Variants in TRIM14 observed in about 807,000 individuals in gnomAD.
TRIM14 encodes the protein tripartite motif-containing protein 14.
In TRIM14, 28 loss-of-function variants were observed where a neutral mutation model predicts 44.5. The ratio of observed to expected loss-of-function variants is 0.63; its 90% CI spans 0.47 to 0.86. The LOEUF is 0.86. Ranked by LOEUF, TRIM14 falls within the 40% of genes least tolerant of loss-of-function variation. The pLI, the probability that TRIM14 is intolerant of heterozygous loss-of-function variation, is 0.00. For synonymous variants in TRIM14, 299 were observed against 269.2 expected (o/e 1.11, Z -1.08); for missense variants, 607 against 611.1 (o/e 0.99, Z 0.07).
chr9:98,118,773 G>C (rs778970905), intron 1 of TRIM14, among the ~76,000 whole-genome samples: 1 of 152,226 alleles, frequency 6.6e-6, no homozygotes, highest in Non-Finnish European at 1.5e-5. Flanking sequence ...AAGCTCAACT[G>C]ATGGCTTTGG....
chr9:98,036,682 T>C, the TRIM14 span, among the ~76,000 whole-genome samples: 9 of 152,252 alleles, frequency 5.9e-5, no homozygotes, highest in African/African-American at 2.2e-4. Flanking sequence ...CTCATGCCTG[T>C]AATCCCAGCT....
downstream of TRIM14, chr9:98,080,987 C>G (rs752902446): frequency 5.6e-6 from 9 of 1,614,086 alleles, no homozygotes; most frequent in African/African-American, 1.3e-5. Context: ...GCCTGGAGAA[C>G]TGGCCGAGCT....
the TRIM14 span, chr9:98,056,635 T>G: frequency 1.9e-4 from 177 of 937,382 alleles, no homozygotes; most frequent in Non-Finnish European, 2.3e-4. Context: ...CCCGCCCCGA[T>G]TGGCTGTCGG....
intron 6 of TRIM14, among the ~76,000 whole-genome samples, chr9:98,078,564 G>A (rs1398132390): frequency 1.3e-5 from 2 of 152,014 alleles, no homozygotes; most frequent in East Asian, 1.9e-4. Flanking sequence ...GGCCAGGCGC[G>A]GTGGGTCATG....
At chr9:98,091,704 T>G (rs1825998863) in intron 5 of TRIM14, among the ~76,000 whole-genome samples, 1 of 152,190 alleles carries the variant, frequency 6.6e-6, no homozygotes, top group African/African-American at 2.4e-5. Context: ...CTTTTTTCTT[T>G]CATTTTCTAA....
the TRIM14 span, among the ~76,000 whole-genome samples, chr9:98,046,477 T>C: frequency 2.0e-5 from 3 of 152,214 alleles, no homozygotes; most frequent in African/African-American, 7.2e-5. Flanking sequence ...GTTTCGTTCT[T>C]GTTGCCCAGG....
At chr9:98,039,146 C>T in the TRIM14 span, among the ~76,000 whole-genome samples, 1 of 152,044 alleles carries the variant, frequency 6.6e-6, no homozygotes, top group Non-Finnish European at 1.5e-5. Flanking sequence ...CTTCAACCTT[C>T]CTCCCTCTTA....
the TRIM14 span, among the ~76,000 whole-genome samples, chr9:98,058,284 A>G: frequency 6.6e-6 from 1 of 152,206 alleles, no homozygotes; most frequent in African/African-American, 2.4e-5. Context: ...CTTTACAAAA[A>G]TAACATTGCT....
chr9:98,088,369 T>C (rs1825875863), intron 5 of TRIM14, among the ~76,000 whole-genome samples: 2 of 152,088 alleles, frequency 1.3e-5, no homozygotes, highest in South Asian at 4.1e-4. Context: ...TTTTTTCTTT[T>C]TTTGAAACGG....
In TRIM14 at chr9:98,119,029, G is replaced by C. The variant is rs1434497994; in HGVS notation, c.160C>G (p.Arg54Gly). ...CALCPVLGAH[R>G]GHPVGLALEA... is the part of the protein sequence containing the mutation. ...AGCGCCAGGCCCACAGGGTGGCCAC[G>C]GTGCGCGCCCAGCACCGGGCAAAGC... The change falls in exon 1 of 6, where the codon CGT becomes GGT. Residue 54 changes from arginine (R) to glycine (G), a missense_variant. Arg to Gly is a moderately radical substitution (Grantham distance 125). Around this residue, in one of 3 missense-constraint regions of TRIM14, gnomAD observed 246 missense variants for 270.8 expected, o/e 0.91. Transcript: ENST00000341469. 2 of 1,571,828 alleles carry C rather than the reference G, an allele frequency of 1.3e-6. No homozygotes were observed. The highest frequency in any genetic ancestry group is 1.1e-5 in the South Asian group (1 of 88,408).
At chr9:98,084,047 G>C (rs1162193590), downstream of TRIM14, among the ~76,000 whole-genome samples, 1 of 152,218 alleles carries the variant, frequency 6.6e-6, no homozygotes, top group African/African-American at 2.4e-5. Context: ...GGCCCTTCTG[G>C]GTCTGGGTGC....
intron 6 of TRIM14, chr9:98,074,859 A>C (rs1039038918): frequency 3.3e-5 from 5 of 152,210 alleles, no homozygotes; most frequent in South Asian, 2.1e-4. Flanking sequence ...TTCTTTAAAC[A>C]GAAAGCACTC....
At chr9:98,078,286 T>G in intron 6 of TRIM14, 1 of 1,613,938 alleles carries the variant, frequency 6.2e-7, no homozygotes, top group Non-Finnish European at 8.5e-7. Context: ...AACTTCTGCT[T>G]CTTGCAGTGT....
At chr9:98,067,259 C>T (rs190162781), downstream of TRIM14, among the ~76,000 whole-genome samples, 8 of 152,242 alleles carry the variant, frequency 5.3e-5, no homozygotes, top group Admixed American at 2.6e-4. Context: ...CATTTCTCTT[C>T]GGTATTACAT....
chr9:98,109,220 G>C (rs1035571287), intron 2 of TRIM14, among the ~76,000 whole-genome samples: 1 of 151,892 alleles, frequency 6.6e-6, no homozygotes, highest in South Asian at 2.1e-4. Context: ...CCCTCACTGC[G>C]AGGAGGGAGC....
At chr9:98,081,046 G>A, downstream of TRIM14, 1 of 1,614,166 alleles carries the variant, frequency 6.2e-7, no homozygotes, top group East Asian at 2.2e-5. Flanking sequence ...CCCCAACCAA[G>A]CAGCTGCTGC....
At chr9:98,099,910 G>T (rs1826326257) in intron 3 of TRIM14, 21 bp downstream of exon 3, 7 of 1,602,338 alleles carry the variant, frequency 4.4e-6, no homozygotes, top group Non-Finnish European at 5.1e-6. Context: ...GCAGCAGTAA[G>T]AGCAGTGACC....
At chr9:98,092,182 G>C (rs545833909) in intron 4 of TRIM14, among the ~76,000 whole-genome samples, 181 bp from the exon 5 acceptor site, 3 of 152,302 alleles carry the variant, frequency 2.0e-5, no homozygotes, top group African/African-American at 7.2e-5. Context: ...TGGTGTGGGA[G>C]AGTCCTAAAT....
chr9:98,045,817 T>A, the TRIM14 span, among the ~76,000 whole-genome samples: 10 of 152,192 alleles, frequency 6.6e-5, no homozygotes, highest in Non-Finnish European at 1.5e-4. Context: ...TCCATTGATC[T>A]CTTGGAGCAG....
Sources: gnomAD v4.1 joint callset for allele counts (sites outside exome capture counted in the v4.1 genomes callset) on GRCh38, gnomAD v4.1.1 for gene constraint, gnomAD v4.1.1 regional missense constraint, MANE v1.5 for transcripts, NCBI Gene and HGNC (gene_info 2026-07-23, HGNC 2026-07-21) for gene names.